Variants in TNFSF4 observed in about 807,000 individuals in gnomAD.
TNFSF4 encodes TNF superfamily member 4.
Under a neutral mutation model 7.3 loss-of-function variants are expected in TNFSF4, and 4 were observed. The ratio of observed to expected loss-of-function variants is 0.55; its 90% CI spans 0.27 to 1.25. The LOEUF (loss-of-function observed/expected upper bound fraction) is 1.25, where lower values mean the gene tolerates loss of function less well. Ranked by LOEUF, TNFSF4 falls within the 50% of genes most tolerant of loss-of-function variation. The pLI is 0.12. For missense variants in TNFSF4, 181 were observed against 208.8 expected, an observed-to-expected ratio of 0.87 and a Z score of 0.82; for synonymous variants, 76 against 83.7, an observed-to-expected ratio of 0.91 and a Z score of 0.50.
At chr1:173,238,671 T>C in the TNFSF4 span, among the ~76,000 whole-genome samples, 3 of 149,256 alleles carry the variant, frequency 2.0e-5, no homozygotes, top group African/African-American at 7.3e-5. Context: ...TTACTAATCA[T>C]TAGGGAAATA....
the TNFSF4 span, among the ~76,000 whole-genome samples, chr1:173,284,993 A>G: frequency 2.6e-5 from 4 of 152,214 alleles, no homozygotes; most frequent in African/African-American, 7.2e-5. Context: ...TTGTCAGGCT[A>G]TATCTGCCAT....
At chr1:173,293,582 C>T in the TNFSF4 span, among the ~76,000 whole-genome samples, 3 of 151,954 alleles carry the variant, frequency 2.0e-5, no homozygotes, top group Admixed American at 6.6e-5. Flanking sequence ...ACTAAGTCCC[C>T]AAAAGCAATT....
At chr1:173,322,014 CAT>C in the TNFSF4 span, among the ~76,000 whole-genome samples, 4 of 152,310 alleles carry the variant, frequency 2.6e-5, no homozygotes, top group Non-Finnish European at 4.4e-5. Context: ...CCCATGCACA[CAT>C]ATGTTTATTG....
chr1:173,287,727 C>T, the TNFSF4 span, among the ~76,000 whole-genome samples: 21 of 152,098 alleles, frequency 1.4e-4, no homozygotes, highest in Non-Finnish European at 1.2e-4. Context: ...TTCTTCATAA[C>T]ATTAAAAAAA....
At chr1:173,206,431 A>T (rs2102003584) in intron 1 of TNFSF4, among the ~76,000 whole-genome samples, 1 of 152,340 alleles carries the variant, frequency 6.6e-6, no homozygotes. Flanking sequence ...AGGTGAAATG[A>T]TGTCTTTAAA....
chr1:173,234,557 A>G, the TNFSF4 span, among the ~76,000 whole-genome samples: 1 of 152,274 alleles, frequency 6.6e-6, no homozygotes, highest in South Asian at 2.1e-4. Flanking sequence ...AATGTCCATC[A>G]GTGATAGAGT....
At chr1:173,322,827 C>T in the TNFSF4 span, among the ~76,000 whole-genome samples, 9 of 152,138 alleles carry the variant, frequency 5.9e-5, no homozygotes, top group East Asian at 3.9e-4. Flanking sequence ...AAGGCAGCAG[C>T]GAGGCTTGGG....
chr1:173,403,542 G>A, the TNFSF4 span, among the ~76,000 whole-genome samples: 43 of 152,196 alleles, frequency 2.8e-4, no homozygotes, highest in Admixed American at 6.5e-4. Context: ...ATCTACATAC[G>A]TAACAATTGA....
intron 1 of TNFSF4, among the ~76,000 whole-genome samples, chr1:173,204,941 ACTG>A (rs1253938685): frequency 6.6e-6 from 1 of 151,488 alleles, no homozygotes; most frequent in Non-Finnish European, 1.5e-5. Flanking sequence ...ACACACACAC[ACTG>A]CTGCTATCAC....
At chr1:173,326,081 C>G in the TNFSF4 span, among the ~76,000 whole-genome samples, 2 of 152,110 alleles carry the variant, frequency 1.3e-5, no homozygotes, top group Non-Finnish European at 2.9e-5. Context: ...AATTTTAGAC[C>G]AATATCCTTG....
chr1:173,369,174 A>C, the TNFSF4 span, among the ~76,000 whole-genome samples: 3 of 151,808 alleles, frequency 2.0e-5, no homozygotes, highest in African/African-American at 7.3e-5. Flanking sequence ...AAAAGGCATC[A>C]CTCTTCCCAC....
At chr1:173,246,796 G>A in the TNFSF4 span, among the ~76,000 whole-genome samples, 1 of 151,970 alleles carries the variant, frequency 6.6e-6, no homozygotes, top group Non-Finnish European at 1.5e-5. Flanking sequence ...ATTCCTTCCT[G>A]GTCCCACACA....
the TNFSF4 span, among the ~76,000 whole-genome samples, chr1:173,294,578 C>T: frequency 1.3e-5 from 2 of 151,794 alleles, no homozygotes; most frequent in African/African-American, 4.8e-5. Flanking sequence ...CAGGTGTACC[C>T]CTAAACCTAA....
the TNFSF4 span, among the ~76,000 whole-genome samples, chr1:173,228,273 T>C: frequency 6.7e-4 from 102 of 152,250 alleles, no homozygotes; most frequent in Non-Finnish European, 1.1e-3. Flanking sequence ...TGTTCAGCAA[T>C]ATTCGCTGTT....
chr1:173,444,464 A>G, the TNFSF4 span, among the ~76,000 whole-genome samples: 2 of 152,130 alleles, frequency 1.3e-5, no homozygotes, highest in Non-Finnish European at 2.9e-5. Flanking sequence ...GATCACACAC[A>G]TAACATTAAG....
At chr1:173,248,563 A>G in the TNFSF4 span, among the ~76,000 whole-genome samples, 4 of 152,164 alleles carry the variant, frequency 2.6e-5, no homozygotes, top group East Asian at 7.7e-4. Flanking sequence ...GAAAGAAAGA[A>G]CAAAGGAAGA....
the TNFSF4 span, among the ~76,000 whole-genome samples, chr1:173,378,354 C>G: frequency 6.6e-6 from 1 of 152,168 alleles, no homozygotes; most frequent in Admixed American, 6.5e-5. Flanking sequence ...CTATTCTGAA[C>G]AGCAGGGTCC....
At chr1:173,448,435 A>C in the TNFSF4 span, among the ~76,000 whole-genome samples, 1 of 152,238 alleles carries the variant, frequency 6.6e-6, no homozygotes, top group Non-Finnish European at 1.5e-5. Flanking sequence ...GTCCATGTGA[A>C]GAGACCACCA....
At chr1:173,443,095 T>C in the TNFSF4 span, among the ~76,000 whole-genome samples, 1 of 152,174 alleles carries the variant, frequency 6.6e-6, no homozygotes, top group Non-Finnish European at 1.5e-5. Flanking sequence ...TGGGCACTAT[T>C]AGGGTCCATT....
Sources: allele counts gnomAD v4.1 joint callset (sites outside exome capture counted in the v4.1 genomes callset), GRCh38; gene constraint gnomAD v4.1.1; transcripts MANE v1.5; gene names NCBI Gene and HGNC (gene_info 2026-07-23, HGNC 2026-07-21).